Variants in CALN1 observed in about 807,000 individuals in gnomAD.
CALN1 encodes the protein calcium-binding protein 8.
A neutral mutation model predicts 30.6 loss-of-function variants in CALN1; 17 were observed. The observed-to-expected ratio is 0.56, with a 90% CI of 0.38 to 0.83. CALN1 has a LOEUF of 0.83. CALN1 is among the 40% of genes least tolerant of loss of function. The pLI is 0.00. For missense variants in CALN1, 291 were observed against 354.9 expected (o/e 0.82, Z 1.45); for synonymous variants, 156 against 131.4 (o/e 1.19, Z -1.28).
rs570760783 is a variant in CALN1 at position 72,222,101 on chromosome 7, C to T, written c.244+56585G>A. On this transcript the variant is annotated intron_variant, in intron 3 of 6. Transcript: ENST00000395275. ...ATTAGCCAAGTATGGGGGCACAAGC[C>T]TGTAGTCCCAGCTACTTGGGAGGCT... Among the ~76,000 whole-genome samples the T allele has an allele frequency of 1.1e-4, 17 of 152,230 alleles. 1 individual carries two copies. Among genetic ancestry groups the T allele is most frequent in the Non-Finnish European group, 2.4e-4 (16 of 68,028 alleles).
chr7:71,787,462 GAGATGA>G lies in CALN1; in HGVS notation c.*307_*312del, dbSNP rs747370593. 3.0e-5 allele frequency: 8 copies of G among 269,722 alleles called. No individual in the cohort carries two copies. The highest frequency in any genetic ancestry group is 5.5e-5 in the South Asian group (1 of 18,184). 16.7% of individuals were successfully genotyped at this position (269,722 alleles called of 1,614,324 possible). Reference sequence around the variant, plus strand: ...ATACCTGGATGGCTGCTGGAATTCCGAGATGAAGATGAAGTTTTTCTCTAGAGTTAT... The same window carrying G: ...ATACCTGGATGGCTGCTGGAATTCCGAGATGAAGTTTTTCTCTAGAGTTAT... On this transcript the variant is annotated 3_prime_UTR_variant, in exon 7 of 7. Transcript: ENST00000395275.
In CALN1 at chr7:71,950,410, T is replaced by C. The variant is rs116396042; in HGVS notation, c.501+73247A>G. Among the ~76,000 whole-genome samples the C allele has an allele frequency of 6.6e-3, 1,004 of 152,282 alleles. 6 individuals are homozygous for C. The highest frequency in any genetic ancestry group is 0.023 in the African/African-American group (936 of 41,562). ...AATCACTACCACGCATTTTTGGATATTGCAGAGTACTTGCCAAAAAACCTA... is the reference window on the plus strand; with the variant it reads ...AATCACTACCACGCATTTTTGGATACTGCAGAGTACTTGCCAAAAAACCTA... On this transcript the variant is annotated intron_variant, in intron 5 of 6. Transcript: ENST00000395275.
chr7:72,189,205 C>T (rs1790429485), intron 3 of CALN1, among the ~76,000 whole-genome samples: 1 of 152,134 alleles, frequency 6.6e-6, no homozygotes, highest in African/African-American at 2.4e-5. Context: ...AGGAAATTGA[C>T]ATGCTTATGG....
At chr7:71,906,587 T>C (rs1794148868) in intron 5 of CALN1, among the ~76,000 whole-genome samples, 3 of 152,164 alleles carry the variant, frequency 2.0e-5, no homozygotes, top group Non-Finnish European at 2.9e-5. Context: ...GTATCACCGA[T>C]GGTGGTACCA....
chr7:71,859,059 G>C lies in CALN1; in HGVS notation c.502-48567C>G, dbSNP rs866317208. ...TTCTTTTTGTCTTTTTTCTTTTTTT[G>C]TATGTTTGTTTGTTTGTTTTTGGAG... On this transcript the variant is annotated intron_variant, in intron 5 of 6. Coordinates refer to ENST00000395275, the MANE Select transcript of CALN1 (RefSeq NM_031468.4). 2.0e-5 allele frequency among the ~76,000 whole-genome samples: 3 copies of C among 151,926 alleles called. No homozygotes were observed. The South Asian group carries it at 6.2e-4, about 32-fold the overall frequency.
chr7:72,126,821 G>T lies in CALN1; in HGVS notation c.245-20527C>A, dbSNP rs1192188962. Among the ~76,000 whole-genome samples, 3 of 148,012 alleles carry T rather than the reference G, an allele frequency of 2.0e-5. No individual in the cohort carries two copies. The East Asian group carries it at 6.5e-4, about 32-fold the overall frequency. On this transcript the variant is annotated intron_variant, in intron 3 of 6. Coordinates refer to ENST00000395275, the MANE Select transcript of CALN1 (RefSeq NM_031468.4). ...TTTTATGGCTGGGAGGGTGGGAGGG[G>T]TTGAGGGATGAAAGACTATAATACA...
At position 71,895,830 on chromosome 7, in the gene CALN1, C is replaced by T. The variant is rs528895072; in HGVS notation, c.502-85338G>A. Among the ~76,000 whole-genome samples the T allele has an allele frequency of 3.9e-5, 6 of 152,290 alleles. No homozygotes were observed. The East Asian group carries it at 1.2e-3, about 29-fold the overall frequency. The stretch of plus-strand genomic sequence containing the variant: ...AGCTGAGAATGAAAGTAATGTGGAA[C>T]TATCACTTTTAATGGCAAAAACAGC... On this transcript the variant is annotated intron_variant, in intron 5 of 6. Transcript: ENST00000395275.
upstream of CALN1, among the ~76,000 whole-genome samples, chr7:72,450,740 C>T (rs906481475): frequency 3.3e-5 from 5 of 152,096 alleles, no homozygotes; most frequent in Admixed American, 2.0e-4. Context: ...ATTAGCTGGG[C>T]ATGGTGGTGC....
At chr7:72,123,481 A>T (rs1420203265) in intron 3 of CALN1, among the ~76,000 whole-genome samples, 1 of 152,090 alleles carries the variant, frequency 6.6e-6, no homozygotes, top group Non-Finnish European at 1.5e-5. Flanking sequence ...ACGCGTAAAC[A>T]CCGCGCCATG....
intron 5 of CALN1, among the ~76,000 whole-genome samples, chr7:71,814,058 G>C (rs763388133): frequency 7.9e-5 from 12 of 151,960 alleles, no homozygotes; most frequent in Non-Finnish European, 1.8e-4. Flanking sequence ...TACAAGAATA[G>C]TGGAAAAGGA....
intron 2 of CALN1, among the ~76,000 whole-genome samples, chr7:72,302,343 GACA>G (rs1239859665): frequency 2.0e-5 from 3 of 152,194 alleles, no homozygotes; most frequent in South Asian, 2.1e-4. Context: ...GGAAGGAACG[GACA>G]ACGTTTTAAT....
intron 2 of CALN1, among the ~76,000 whole-genome samples, chr7:72,334,760 G>C (rs979955706): frequency 6.6e-6 from 1 of 152,224 alleles, no homozygotes; most frequent in Non-Finnish European, 1.5e-5. Flanking sequence ...GTGAGGATTG[G>C]ATTTCCAAAG....
chr7:72,376,007 T>C (rs1804533186), intron 2 of CALN1, among the ~76,000 whole-genome samples: 1 of 152,226 alleles, frequency 6.6e-6, no homozygotes, highest in African/African-American at 2.4e-5. Context: ...TCATACCATA[T>C]ACAGCCTTCT....
chr7:72,201,267 GACT>G (rs1791394821), intron 3 of CALN1, among the ~76,000 whole-genome samples: 2 of 152,156 alleles, frequency 1.3e-5, no homozygotes, highest in Non-Finnish European at 1.5e-5. Flanking sequence ...AGATACTGGA[GACT>G]ACTGGAGGGG....
chr7:71,991,386 G>C (rs533419288), intron 5 of CALN1, among the ~76,000 whole-genome samples: 1 of 151,858 alleles, frequency 6.6e-6, no homozygotes. Context: ...TTGAACCCAG[G>C]AGGCAGAGCT....
intron 2 of CALN1, among the ~76,000 whole-genome samples, chr7:72,295,072 A>T (rs1326333756): frequency 6.6e-6 from 1 of 152,182 alleles, no homozygotes; most frequent in Non-Finnish European, 1.5e-5. Context: ...TATACTGGGC[A>T]GATGATGGGT....
At chr7:72,163,139 C>G (rs1425681640) in intron 3 of CALN1, among the ~76,000 whole-genome samples, 1 of 152,110 alleles carries the variant, frequency 6.6e-6, no homozygotes. Context: ...TTTGGAATTT[C>G]AATTGAAACT....
chr7:71,890,645 T>A (rs1200495422), intron 5 of CALN1, among the ~76,000 whole-genome samples: 1 of 152,174 alleles, frequency 6.6e-6, no homozygotes, highest in Admixed American at 6.5e-5. Context: ...TTGGTATATC[T>A]CTTTCCAATA....
chr7:72,170,942 GAGTCC>G (rs1788908700), intron 3 of CALN1, among the ~76,000 whole-genome samples: 1 of 152,164 alleles, frequency 6.6e-6, no homozygotes, highest in South Asian at 2.1e-4. Flanking sequence ...GGATCACATT[GAGTCC>G]AGGAGTTTAA....
Sources: gnomAD v4.1 joint callset for allele counts (sites outside exome capture counted in the v4.1 genomes callset) on GRCh38, gnomAD v4.1.1 for gene constraint, MANE v1.5 for transcripts, NCBI Gene and HGNC (gene_info 2026-07-23, HGNC 2026-07-21) for gene names.